The following ITGA9 variants were observed in gnomAD, a reference collection of about 807,000 sequenced individuals.
The protein encoded by ITGA9 is integrin alpha-9.
In ITGA9, 56 loss-of-function variants were observed where a neutral mutation model predicts 127.8. The ratio of observed to expected loss-of-function variants is 0.44; its 90% CI spans 0.35 to 0.55. The LOEUF (loss-of-function observed/expected upper bound fraction) is 0.55. ITGA9 is among the 20% of genes least tolerant of loss of function. The pLI, the probability that ITGA9 is intolerant of heterozygous loss-of-function variation, is 0.00. For missense variants in ITGA9, 1,196 were observed against 1,347.1 expected, an observed-to-expected ratio of 0.89 and a Z score of 1.76; for synonymous variants, 508 against 514.5, an observed-to-expected ratio of 0.99 and a Z score of 0.17.
chr3:37,481,351 A>G, intron 3 of ITGA9, 133 bp from the exon 4 acceptor site: 1 of 1,175,912 alleles, frequency 8.5e-7, no homozygotes, highest in Non-Finnish European at 1.3e-6. Flanking sequence ...AGTGCCTGTT[A>G]TGAAGGTGTG....
chr3:37,592,752 C>T (rs1046361032), intron 15 of ITGA9, among the ~76,000 whole-genome samples: 2 of 152,134 alleles, frequency 1.3e-5, no homozygotes, highest in African/African-American at 4.8e-5. Context: ...GATGGTGCCT[C>T]TGAAGGCAAT....
intron 27 of ITGA9, chr3:37,818,191 T>TTAAAAA (rs1553674108): frequency 6.3e-5 from 2 of 31,970 alleles, no homozygotes; most frequent in African/African-American, 1.9e-4. Context: ...TAAGACTCTC[T>TTAAAAA]AAAAAAAAAA....
chr3:37,746,994 C>G (rs779361679), intron 22 of ITGA9, among the ~76,000 whole-genome samples: 15 of 152,184 alleles, frequency 9.9e-5, no homozygotes, highest in Non-Finnish European at 1.9e-4. Flanking sequence ...TCCCTGGATT[C>G]TCTCTCTAGT....
intron 3 of ITGA9, among the ~76,000 whole-genome samples, chr3:37,477,887 A>T (rs1395187697): frequency 6.6e-6 from 1 of 151,460 alleles, no homozygotes; most frequent in Non-Finnish European, 1.5e-5. Flanking sequence ...GGCTGTCCTT[A>T]TCTGTTCAGT....
In ITGA9 at chr3:37,820,804, A is replaced by G. The variant is rs1697504473; in HGVS notation, c.*1815A>G. 1 of 152,244 alleles carries G rather than the reference A, an allele frequency of 6.6e-6. No homozygotes were observed. The highest frequency in any genetic ancestry group is 1.5e-5 in the Non-Finnish European group (1 of 68,044). 9.4% of individuals were successfully genotyped at this position (152,244 alleles called of 1,614,324 possible). ...TGCCAGCTACATACACATGGCATCCAGTGCGGATGAAACAATCTATAAAAC... is the reference window on the plus strand; with the variant it reads ...TGCCAGCTACATACACATGGCATCCGGTGCGGATGAAACAATCTATAAAAC... On this transcript the variant is annotated 3_prime_UTR_variant, in exon 28 of 28. Transcript: ENST00000264741.
chr3:37,478,681 T>G (rs1023893934), intron 3 of ITGA9, among the ~76,000 whole-genome samples: 5 of 152,196 alleles, frequency 3.3e-5, no homozygotes, highest in African/African-American at 1.2e-4. Context: ...TTTTTTAAAA[T>G]GTAGTGGTCA....
rs189180635 is a variant in ITGA9, at chr3:37,760,997, A to G, written c.2541+10428A>G. 3.3e-5 allele frequency among the ~76,000 whole-genome samples: 5 copies of G among 152,304 alleles called. No homozygotes were observed. The East Asian group carries it at 9.6e-4, about 29-fold the overall frequency. Reference sequence around the variant, plus strand: ...GTTATATGAACAGGAAATTCACAAAAGAAGAAATTTTAGGGGCTGGGTGTG... The same window carrying G: ...GTTATATGAACAGGAAATTCACAAAGGAAGAAATTTTAGGGGCTGGGTGTG... On this transcript the variant is annotated intron_variant, in intron 23 of 27. Coordinates refer to ENST00000264741, the MANE Select transcript of ITGA9 (RefSeq NM_002207.3).
intron 15 of ITGA9, among the ~76,000 whole-genome samples, chr3:37,578,455 G>A (rs1328017534): frequency 6.6e-6 from 1 of 152,198 alleles, no homozygotes; most frequent in East Asian, 1.9e-4. Flanking sequence ...GAATTTTCAA[G>A]GAAGACAGCA....
rs557390022 is a variant in ITGA9, at chr3:37,455,392, T to C, written c.185+2833T>C. 7.9e-5 allele frequency among the ~76,000 whole-genome samples: 12 copies of C among 152,354 alleles called. No individual in the cohort carries two copies. In the East Asian group the frequency reaches 2.3e-3, roughly 29 times the overall value. On this transcript the variant is annotated intron_variant, in intron 1 of 27. Coordinates refer to ENST00000264741, the MANE Select transcript of ITGA9 (RefSeq NM_002207.3). The stretch of plus-strand genomic sequence containing the variant: ...GATGGAAGCTTCAAGGCATTCTTTA[T>C]GTATTACCAAAGTGCCAGTGAAGTG...
intron 26 of ITGA9, among the ~76,000 whole-genome samples, chr3:37,793,421 CACACACACA>C (rs2125557928): frequency 6.6e-6 from 1 of 151,672 alleles, no homozygotes; most frequent in South Asian, 2.1e-4. Context: ...CACACACACA[CACACACACA>C]CACACACGTG....
At chr3:37,472,111 A>C (rs1164914472) in intron 2 of ITGA9, among the ~76,000 whole-genome samples, 1 of 152,140 alleles carries the variant, frequency 6.6e-6, no homozygotes, top group Non-Finnish European at 1.5e-5. Context: ...AAAATATAAG[A>C]TCTTTGGAAT....
intron 16 of ITGA9, among the ~76,000 whole-genome samples, chr3:37,636,984 T>C (rs529058883): frequency 6.6e-6 from 1 of 152,286 alleles, no homozygotes; most frequent in East Asian, 1.9e-4. Context: ...TCTGTTCCAT[T>C]GGTCTATATC....
intron 14 of ITGA9, among the ~76,000 whole-genome samples, chr3:37,533,905 G>C (rs899518689): frequency 6.6e-6 from 1 of 152,198 alleles, no homozygotes; most frequent in African/African-American, 2.4e-5. Context: ...CTATGGAATT[G>C]GAGACCAAAG....
intron 18 of ITGA9, among the ~76,000 whole-genome samples, chr3:37,691,779 T>A (rs1700834693): frequency 6.6e-6 from 1 of 152,172 alleles, no homozygotes; most frequent in African/African-American, 2.4e-5. Flanking sequence ...AGTTTGGGGC[T>A]TCAAGTGTCC....
chr3:37,495,263 G>A (rs1387765857), intron 5 of ITGA9, among the ~76,000 whole-genome samples: 1 of 152,176 alleles, frequency 6.6e-6, no homozygotes, highest in African/African-American at 2.4e-5. Flanking sequence ...GAGAGACTTG[G>A]TTTTACACAC....
chr3:37,655,960 C>T (rs1700473577), intron 17 of ITGA9, among the ~76,000 whole-genome samples: 1 of 152,292 alleles, frequency 6.6e-6, no homozygotes, highest in Admixed American at 6.5e-5. Flanking sequence ...AATCCTTTCC[C>T]CATTGCTTGT....
chr3:37,452,238 C>A lies in ITGA9; in HGVS notation c.-137C>A. The A allele has an allele frequency of 3.2e-6, 1 of 309,056 alleles. No individual in the cohort carries two copies. Among genetic ancestry groups the A allele is most frequent in the Non-Finnish European group, 4.7e-6 (1 of 212,006 alleles). 19.1% of individuals were successfully genotyped at this position (309,056 alleles called of 1,614,324 possible). A position where few individuals can be genotyped will look rare whatever the true frequency, so the allele number is the denominator to read the frequency against. On this transcript the variant is annotated 5_prime_UTR_variant, in exon 1 of 28. Coordinates refer to ENST00000264741, the MANE Select transcript of ITGA9 (RefSeq NM_002207.3). This position sits in a 1 kb window ranked among gnomAD's most constrained non-coding sequence, Gnocchi z 7.3. ...CCGCCGTCCGCGCCCCGGTGGCGGG[C>A]CCGACGCCCGCATTCCGCCCGTGTC...
intron 26 of ITGA9, among the ~76,000 whole-genome samples, chr3:37,798,660 T>C (rs2125560290): frequency 6.6e-6 from 1 of 152,366 alleles, no homozygotes; most frequent in African/African-American, 2.4e-5. Flanking sequence ...CTCTTGCCAG[T>C]AAAGATAAAA....
Position 37,799,643 on chromosome 3 carries a change from C to T in ITGA9, c.2890-4180C>T, listed in dbSNP as rs1420197679. ...TCAGCCTAAAGGAAAGTCATGGATACTGTAAACCGAGAAGTGACATGATGA... is the reference window on the plus strand; with the variant it reads ...TCAGCCTAAAGGAAAGTCATGGATATTGTAAACCGAGAAGTGACATGATGA... On this transcript the variant is annotated intron_variant, in intron 26 of 27. Coordinates refer to ENST00000264741, the MANE Select transcript of ITGA9 (RefSeq NM_002207.3). The surrounding 1 kb of genome is among the most constrained non-coding windows in gnomAD (Gnocchi z 4.0). Among the ~76,000 whole-genome samples, 2 of 152,134 alleles carry T rather than the reference C, an allele frequency of 1.3e-5. No individual in the cohort carries two copies. Among genetic ancestry groups the T allele is most frequent in the Non-Finnish European group, 2.9e-5 (2 of 68,036 alleles).
Sources: gnomAD v4.1 joint callset for allele counts (sites outside exome capture counted in the v4.1 genomes callset) on GRCh38, gnomAD v4.1.1 for gene constraint, Gnocchi (gnomAD v3.1) non-coding constraint, MANE v1.5 for transcripts, NCBI Gene and HGNC (gene_info 2026-07-23, HGNC 2026-07-21) for gene names.